SH3GL2: variants seen among roughly 807,000 people sequenced by gnomAD.
SH3GL2 encodes endophilin-A1.
Under a neutral mutation model 46.0 loss-of-function variants are expected in SH3GL2, and 24 were observed. The ratio of observed to expected loss-of-function variants is 0.52; its 90% CI spans 0.38 to 0.73. The LOEUF (loss-of-function observed/expected upper bound fraction) is 0.73, where lower values mean the gene tolerates loss of function less well. Ranked by LOEUF, SH3GL2 falls within the 30% of genes least tolerant of loss-of-function variation. The probability of loss-of-function intolerance (pLI) is 0.00; values close to 1 mark genes in which losing one functional copy is unlikely to be tolerated. For missense variants in SH3GL2, 413 were observed against 424.2 expected, an observed-to-expected ratio of 0.97 and a Z score of 0.23; for synonymous variants, 196 against 147.1, an observed-to-expected ratio of 1.33 and a Z score of -2.40.
chr9:17,715,995 A>G (rs1205239739), intron 1 of SH3GL2, among the ~76,000 whole-genome samples: 1 of 152,068 alleles, frequency 6.6e-6, no homozygotes, highest in Non-Finnish European at 1.5e-5. Context: ...AATGTGTATC[A>G]CCTTTGCACT....
At chr9:17,754,817 A>C (rs1377545112) in intron 2 of SH3GL2, among the ~76,000 whole-genome samples, 1 of 152,074 alleles carries the variant, frequency 6.6e-6, no homozygotes, top group Non-Finnish European at 1.5e-5. Flanking sequence ...AATGCTAGTG[A>C]TTTTTGAACA....
intron 1 of SH3GL2, among the ~76,000 whole-genome samples, chr9:17,735,074 A>G (rs1822291230): frequency 6.6e-6 from 1 of 152,158 alleles, no homozygotes; most frequent in Non-Finnish European, 1.5e-5. Flanking sequence ...ATTCTGCTTC[A>G]CTTTTGCCAC....
At position 17,705,542 on chromosome 9, in the gene SH3GL2, C is replaced by T. The variant is rs1821449727; in HGVS notation, c.46-41524C>T. ...TATCATATGTACCATATTCAGGCCA[C>T]TTAAATTGACGTAGATTCAACCTAA... On this transcript the variant is annotated intron_variant, in intron 1 of 8. Coordinates refer to ENST00000380607, the MANE Select transcript of SH3GL2 (RefSeq NM_003026.5). Among the ~76,000 whole-genome samples, 3 of 152,024 alleles carry T rather than the reference C, an allele frequency of 2.0e-5. No homozygotes were observed. The South Asian group carries it at 6.2e-4, about 32-fold the overall frequency.
At position 17,598,721 on chromosome 9, in the gene SH3GL2, C is replaced by T. The variant is rs188628164; in HGVS notation, c.45+19434C>T. Among the ~76,000 whole-genome samples, 121 of 152,216 alleles carry T rather than the reference C, an allele frequency of 7.9e-4. 1 individual carries two copies. Among genetic ancestry groups the T allele is most frequent in the South Asian group, 2.1e-4 (1 of 4,816 alleles). ...ATTGTGCATTAATTTTATGGCCATT[C>T]GATTAAATGCCTGTCTCCTTCAGTT... On this transcript the variant is annotated intron_variant, in intron 1 of 8. Transcript: ENST00000380607.
At position 17,672,130 on chromosome 9, in the gene SH3GL2, C is replaced by G. The variant is rs557081997; in HGVS notation, c.46-74936C>G. On this transcript the variant is annotated intron_variant, in intron 1 of 8. Transcript: ENST00000380607. Reference sequence around the variant, plus strand: ...TCTACTCTGCAGTGTGAGGTAAATACAATTGTTTAAAGATTCTTAAGCTGT... The same window carrying G: ...TCTACTCTGCAGTGTGAGGTAAATAGAATTGTTTAAAGATTCTTAAGCTGT... Among the ~76,000 whole-genome samples, 5 of 152,238 alleles carry G rather than the reference C, an allele frequency of 3.3e-5. No homozygotes were observed. In the East Asian group the frequency reaches 7.7e-4, roughly 23 times the overall value.
intron 1 of SH3GL2, among the ~76,000 whole-genome samples, chr9:17,636,940 G>A (rs1005784661): frequency 6.6e-6 from 1 of 152,180 alleles, no homozygotes; most frequent in African/African-American, 2.4e-5. Flanking sequence ...GTCCCTTCAT[G>A]TGTGATGTGT....
intron 1 of SH3GL2, among the ~76,000 whole-genome samples, chr9:17,659,728 A>G (rs1820168332): frequency 6.6e-6 from 1 of 152,166 alleles, no homozygotes; most frequent in Non-Finnish European, 1.5e-5. Flanking sequence ...TAAAAGTTGA[A>G]ATTGGTTCAC....
chr9:17,718,014 G>A (rs1202519582), intron 1 of SH3GL2, among the ~76,000 whole-genome samples: 1 of 152,036 alleles, frequency 6.6e-6, no homozygotes, highest in African/African-American at 2.4e-5. Flanking sequence ...GGTTATTTGG[G>A]CTTGGCTCTT....
chr9:17,655,003 C>T (rs1007184288), intron 1 of SH3GL2, among the ~76,000 whole-genome samples: 8 of 152,252 alleles, frequency 5.3e-5, no homozygotes, highest in South Asian at 2.1e-4. Flanking sequence ...TGCAGTTGTT[C>T]ATAGATCAAA....
At chr9:17,612,474 C>G (rs1818889798) in intron 1 of SH3GL2, among the ~76,000 whole-genome samples, 1 of 152,112 alleles carries the variant, frequency 6.6e-6, no homozygotes, top group African/African-American at 2.4e-5. Context: ...TCAGGTGATT[C>G]TTATGTACAT....
In SH3GL2 at chr9:17,796,978, A is replaced by G. The variant is rs1308489564; in HGVS notation, c.*1235A>G. The G allele has an allele frequency of 6.6e-6, 1 of 152,450 alleles. No homozygotes were observed. Among genetic ancestry groups the G allele is most frequent in the Non-Finnish European group, 1.5e-5 (1 of 68,024 alleles). The allele number at this position is 152,450 out of a possible 1,614,324, so 9.4% of individuals were successfully genotyped here. ...GAGTTCTATTTATCTAGCTGTACAGACTCTTTCAGAGGTTTAACGTGCTGC... is the reference window on the plus strand; with the variant it reads ...GAGTTCTATTTATCTAGCTGTACAGGCTCTTTCAGAGGTTTAACGTGCTGC... On this transcript the variant is annotated 3_prime_UTR_variant, in exon 9 of 9. Coordinates refer to ENST00000380607, the MANE Select transcript of SH3GL2 (RefSeq NM_003026.5).
chr9:17,735,496 G>C (rs1211393990), intron 1 of SH3GL2, among the ~76,000 whole-genome samples: 4 of 151,918 alleles, frequency 2.6e-5, no homozygotes, highest in African/African-American at 9.7e-5. Context: ...TTGAACTGTG[G>C]GGTCCACTTA....
At chr9:17,586,473 T>C (rs1403661435) in intron 1 of SH3GL2, among the ~76,000 whole-genome samples, 3 of 152,118 alleles carry the variant, frequency 2.0e-5, no homozygotes, top group Non-Finnish European at 2.9e-5. Context: ...CTGAGAAACA[T>C]CTCAATATCA....
chr9:17,676,487 T>C (rs1312575828), intron 1 of SH3GL2, among the ~76,000 whole-genome samples: 1 of 152,128 alleles, frequency 6.6e-6, no homozygotes, highest in African/African-American at 2.4e-5. Context: ...GCACCTGTAA[T>C]CCCAGCTACT....
chr9:17,657,642 A>T (rs1038399134), intron 1 of SH3GL2, among the ~76,000 whole-genome samples: 4 of 152,168 alleles, frequency 2.6e-5, no homozygotes, highest in Non-Finnish European at 5.9e-5. Context: ...ATATAGGGAA[A>T]ATGTATACAA....
At chr9:17,638,790 C>A (rs1819606769) in intron 1 of SH3GL2, among the ~76,000 whole-genome samples, 1 of 152,210 alleles carries the variant, frequency 6.6e-6, no homozygotes, top group African/African-American at 2.4e-5. Flanking sequence ...GGGTCCTTAC[C>A]ACCCACCCCT....
rs1390800936 is a variant in SH3GL2, at chr9:17,637,114, A to T, written c.45+57827A>T. Among the ~76,000 whole-genome samples, 3 of 152,190 alleles carry T rather than the reference A, an allele frequency of 2.0e-5. No homozygotes were observed. In the South Asian group the frequency reaches 6.2e-4, roughly 32 times the overall value. On this transcript the variant is annotated intron_variant, in intron 1 of 8. Coordinates refer to ENST00000380607, the MANE Select transcript of SH3GL2 (RefSeq NM_003026.5). ...GAGAAGAACTGAAGTTGTTGAGTGG[A>T]GTTTGCAGTAAATGGTGGTATCTTG...
intron 1 of SH3GL2, among the ~76,000 whole-genome samples, chr9:17,705,186 A>C (rs945280329): frequency 6.6e-6 from 1 of 152,282 alleles, no homozygotes; most frequent in East Asian, 1.9e-4. Flanking sequence ...TCAAAATGAC[A>C]ATGAGATACT....
At chr9:17,646,323 T>C (rs1004772982) in intron 1 of SH3GL2, among the ~76,000 whole-genome samples, 22 of 152,210 alleles carry the variant, frequency 1.4e-4, no homozygotes, top group African/African-American at 5.3e-4. Context: ...TAGGACATGC[T>C]TCTTTAGCTC....
Sources: gnomAD v4.1 joint callset for allele counts (sites outside exome capture counted in the v4.1 genomes callset) on GRCh38, gnomAD v4.1.1 for gene constraint, MANE v1.5 for transcripts, NCBI Gene and HGNC (gene_info 2026-07-23, HGNC 2026-07-21) for gene names.